The following CR2 variants were observed in gnomAD, a reference collection of about 807,000 sequenced individuals.
CR2 encodes the protein complement C3d receptor 2.
CR2 carries 96 observed loss-of-function variants against 123.0 expected under a neutral mutation model. The observed-to-expected ratio is 0.78, with a 90% CI of 0.66 to 0.93. The LOEUF is 0.93. CR2 is among the 40% of genes least tolerant of loss of function. CR2 has a pLI of 0.00. For missense variants in CR2, 1,258 were observed against 1,361.0 expected, an observed-to-expected ratio of 0.92 and a Z score of 1.19; for synonymous variants, 484 against 469.5, an observed-to-expected ratio of 1.03 and a Z score of -0.40.
intron 18 of CR2, among the ~76,000 whole-genome samples, chr1:207,480,543 T>C (rs1658576430): frequency 6.6e-6 from 1 of 152,172 alleles, no homozygotes; most frequent in Non-Finnish European, 1.5e-5. Flanking sequence ...CCAAATTTAC[T>C]TTGATAATAT....
chr1:207,468,526 G>GT lies in CR2; in HGVS notation c.449dup (p.Leu152SerfsTer17), dbSNP rs751006774. The stretch of plus-strand genomic sequence containing the variant: ...TTTTTTCCTGGTATGTGTGTGTAAA[G>GT]TTTTCCCTCTCGAGTGTCCAGCACT... On this transcript the variant is annotated frameshift_variant and splice_region_variant. Coordinates refer to ENST00000367057, the MANE Select transcript of CR2 (RefSeq NM_001006658.3). LOFTEE classifies it high-confidence loss of function. 6.2e-7 allele frequency: 1 copy of GT among 1,613,774 alleles called. No homozygotes were observed. The highest frequency in any genetic ancestry group is 8.5e-7 in the Non-Finnish European group (1 of 1,179,820).
In CR2 at chr1:207,470,890, G is replaced by A. The variant is rs753132648; in HGVS notation, c.1376G>A (p.Trp459Ter). ...ATACAGTGTACCTCTGAGGGGGTGT[G>A]GACACCCCCTGTACCCCAATGCAAA... The part of the protein sequence containing the change: ...ESIQCTSEGV[W>*]TPPVPQCKVA... Residue 459 changes from tryptophan to a stop codon, truncating the protein, a stop_gained, in exon 7 of 20, where the codon TGG (tryptophan) becomes TAG (stop). Transcript: ENST00000367057. LOFTEE classifies it high-confidence loss of function. The A allele has an allele frequency of 6.2e-7, 1 of 1,613,648 alleles. No homozygotes were observed. The highest frequency in any genetic ancestry group is 8.5e-7 in the Non-Finnish European group (1 of 1,179,714).
chr1:207,469,585 T>C (rs1363305124), intron 5 of CR2, 110 bp from the exon 6 acceptor site: 2 of 1,012,850 alleles, frequency 2.0e-6, no homozygotes, highest in African/African-American at 3.2e-5. Context: ...ACTGATTCAT[T>C]ATAGACTCGG....
Position 207,469,801 on chromosome 1 carries a change from C to A in CR2, c.924C>A (p.Asp308Glu). ...TAGTCACTTACACTTGTGACCCGGA[C>A]CCAGAGGAAGGAGTGAACTTCATCC... ...GSIVTYTCDPDPEEGVNFILI... is the reference protein window; with the variant it reads ...GSIVTYTCDPEPEEGVNFILI... The change falls in exon 6 of 20, where the codon GAC (aspartate) becomes GAA (glutamate). Residue 308 changes from aspartate (D) to glutamate (E), a missense_variant. Asp to Glu is a conservative substitution (Grantham distance 45). Coordinates refer to ENST00000367057, the MANE Select transcript of CR2 (RefSeq NM_001006658.3). 6.2e-7 allele frequency: 1 copy of A among 1,613,908 alleles called. No individual in the cohort carries two copies. Among genetic ancestry groups the A allele is most frequent in the Non-Finnish European group, 8.5e-7 (1 of 1,179,932 alleles).
intron 1 of CR2, among the ~76,000 whole-genome samples, chr1:207,458,812 A>G (rs1453135989): frequency 1.3e-5 from 2 of 152,060 alleles, no homozygotes. Context: ...CCTGGTATCT[A>G]TTTACAGTCT....
intron 9 of CR2, chr1:207,472,028 T>TA: frequency 5.4e-6 from 1 of 184,064 alleles, no homozygotes; most frequent in South Asian, 1.1e-4. Context: ...GGGCGGCAGA[T>TA]CACAAGGTCA....
chr1:207,457,260 T>A (rs958575723), intron 1 of CR2, among the ~76,000 whole-genome samples: 5 of 152,234 alleles, frequency 3.3e-5, no homozygotes, highest in African/African-American at 9.6e-5. Context: ...TTTCCTCCTA[T>A]AACAATGAAA....
intron 14 of CR2, 68 bp from the exon 15 acceptor site, chr1:207,476,166 C>A: frequency 6.8e-7 from 1 of 1,480,646 alleles, no homozygotes; most frequent in East Asian, 2.3e-5. Context: ...ATCGCTATCA[C>A]CCAGAGATAG....
intron 1 of CR2, among the ~76,000 whole-genome samples, chr1:207,461,173 C>T (rs1049573768): frequency 6.6e-6 from 1 of 152,040 alleles, no homozygotes; most frequent in African/African-American, 2.4e-5. Flanking sequence ...TTAATATCCG[C>T]TCCCCCTACC....
rs187601475 is a variant in CR2 at position 207,461,128 on chromosome 1, G to A, written c.59-5398G>A. On this transcript the variant is annotated intron_variant, in intron 1 of 19. Coordinates refer to ENST00000367057, the MANE Select transcript of CR2 (RefSeq NM_001006658.3). ...CATTAGTTATGTGCAGTTTTTTTGTGTATAAATAAGACCTCATTGAAGCTG... is the reference window on the plus strand; with the variant it reads ...CATTAGTTATGTGCAGTTTTTTTGTATATAAATAAGACCTCATTGAAGCTG... 3.7e-3 allele frequency among the ~76,000 whole-genome samples: 560 copies of A among 151,986 alleles called. 6 individuals are homozygous for A. The highest frequency in any genetic ancestry group is 5.2e-3 in the Non-Finnish European group (351 of 67,944).
In CR2 at chr1:207,468,606, A is replaced by G. The variant is rs1658172337; in HGVS notation, c.525A>G (p.Pro175=). Reference sequence around the variant, plus strand: ...GTGAGAATGTTGGCTCCATTGCTCCAGGATTGTCTGTGACTTACAGCTGTG... The same window carrying G: ...GTGAGAATGTTGGCTCCATTGCTCCGGGATTGTCTGTGACTTACAGCTGTG... ...HTSENVGSIA[P]GLSVTYSCES... The change falls in exon 3 of 20, where the codon CCA becomes CCG. Residue 175 remains proline, a synonymous_variant. Transcript: ENST00000367057. The G allele has an allele frequency of 3.7e-6, 6 of 1,614,052 alleles. No individual in the cohort carries two copies. In the East Asian group the frequency reaches 1.1e-4, roughly 30 times the overall value.
At chr1:207,484,714 C>T (rs1432694091) in intron 18 of CR2, among the ~76,000 whole-genome samples, 1 of 152,192 alleles carries the variant, frequency 6.6e-6, no homozygotes, top group Admixed American at 6.5e-5. Flanking sequence ...AGTATAATCA[C>T]ATTTTATTGT....
In CR2 at chr1:207,473,109, G is replaced by A; in HGVS notation, c.1908G>A (p.Leu636=). The change falls in exon 10 of 20, where the codon TTG becomes TTA. Residue 636 remains leucine (L), a synonymous_variant. Transcript: ENST00000367057. ...TCAAGTGTTATAGTGGATTTACTTT[G>A]AAGGGCAGTAGTCAGATTCGTTGCA... ...VTFKCYSGFT[L]KGSSQIRCKA... 6.2e-7 allele frequency: 1 copy of A among 1,613,970 alleles called. No individual in the cohort carries two copies. Among genetic ancestry groups the A allele is most frequent in the Non-Finnish European group, 8.5e-7 (1 of 1,179,910 alleles).
rs755692271 is a variant in CR2 at position 207,473,122 on chromosome 1, C to G, written c.1921C>G (p.Gln641Glu). 1.8e-5 allele frequency: 29 copies of G among 1,613,784 alleles called. No homozygotes were observed. In the Admixed American group the frequency reaches 3.3e-4, roughly 19 times the overall value. Residue 641 changes from glutamine (Q) to glutamate (E), a missense_variant, in exon 10 of 20, where the codon CAG becomes GAG. Coordinates refer to ENST00000367057, the MANE Select transcript of CR2 (RefSeq NM_001006658.3). ...YSGFTLKGSS[Q>E]IRCKADNTWD... ...TGGATTTACTTTGAAGGGCAGTAGT[C>G]AGATTCGTTGCAAAGCTGATAACAC...
chr1:207,482,630 C>T (rs184168400), intron 18 of CR2, among the ~76,000 whole-genome samples: 6 of 152,122 alleles, frequency 3.9e-5, no homozygotes, highest in African/African-American at 9.6e-5. Context: ...ACAAGCATGT[C>T]GCTAAACAAG....
In CR2 at chr1:207,473,438, A is replaced by C. The variant is rs1417263277; in HGVS notation, c.1979-107A>C. On this transcript the variant is annotated intron_variant, in intron 10 of 19. Transcript: ENST00000367057. ...TTCAGTAGTGAATTTGAGCTTCATG[A>C]TCTTTGGCATCAGAGTTTCAGACTG... 13 of 1,271,314 alleles carry C rather than the reference A, an allele frequency of 1.0e-5. No individual in the cohort carries two copies. In the East Asian group the frequency reaches 3.0e-4, roughly 29 times the overall value. The allele number at this position is 1,271,314 out of a possible 1,614,324, so 78.8% of individuals were successfully genotyped here.
intron 1 of CR2, among the ~76,000 whole-genome samples, chr1:207,462,747 G>T (rs1657997608): frequency 1.3e-5 from 2 of 152,170 alleles, no homozygotes; most frequent in South Asian, 2.1e-4. Flanking sequence ...ATGAAGAGAA[G>T]AGAGTAGAGG....
intron 18 of CR2, among the ~76,000 whole-genome samples, chr1:207,481,007 A>G (rs2102312085): frequency 6.6e-6 from 1 of 152,194 alleles, no homozygotes; most frequent in African/African-American, 2.4e-5. Context: ...ATTCAGAAAT[A>G]TACTAGGTCT....
At chr1:207,455,330 A>G (rs1469748509) in intron 1 of CR2, among the ~76,000 whole-genome samples, 1 of 152,228 alleles carries the variant, frequency 6.6e-6, no homozygotes, top group African/African-American at 2.4e-5. Context: ...TAGCTCCCTG[A>G]TCTTCAGTTT....
Sources: allele counts gnomAD v4.1 joint callset (sites outside exome capture counted in the v4.1 genomes callset), GRCh38; gene constraint gnomAD v4.1.1; transcripts MANE v1.5; gene names NCBI Gene and HGNC (gene_info 2026-07-23, HGNC 2026-07-21).